The following ZMAT4 variants were observed in gnomAD, a reference collection of about 807,000 sequenced individuals.
ZMAT4 encodes zinc finger matrin-type protein 4.
Under a neutral mutation model 28.7 loss-of-function variants are expected in ZMAT4, and 17 were observed. The ratio of observed to expected loss-of-function variants is 0.59; its 90% CI spans 0.41 to 0.89. ZMAT4 has a LOEUF of 0.89. ZMAT4 is among the 40% of genes least tolerant of loss of function. The probability of loss-of-function intolerance (pLI) is 0.00; values close to 1 mark genes in which losing one functional copy is unlikely to be tolerated. For missense variants in ZMAT4, 240 were observed against 283.8 expected (o/e 0.85, Z 1.11); for synonymous variants, 117 against 109.2 (o/e 1.07, Z -0.44).
At chr8:40,825,446 G>T (rs1015125953) in intron 2 of ZMAT4, 129 bp downstream of exon 2, 1 of 737,668 alleles carries the variant, frequency 1.4e-6, no homozygotes, top group East Asian at 2.8e-5. Flanking sequence ...ACCTCAGACT[G>T]TACAGGCTCA....
intron 5 of ZMAT4, among the ~76,000 whole-genome samples, chr8:40,643,744 A>G (rs1003251949): frequency 4.6e-5 from 7 of 150,682 alleles, no homozygotes; most frequent in Non-Finnish European, 8.9e-5. Context: ...AATTGAGTAG[A>G]AATCTACAAA....
At chr8:40,770,431 C>T (rs1231219651) in intron 2 of ZMAT4, among the ~76,000 whole-genome samples, 1 of 152,130 alleles carries the variant, frequency 6.6e-6, no homozygotes, top group East Asian at 1.9e-4. Flanking sequence ...GCCCTGCCTC[C>T]AACCTAGGCC....
chr8:40,701,372 G>C (rs1810136227), intron 3 of ZMAT4, among the ~76,000 whole-genome samples: 1 of 152,206 alleles, frequency 6.6e-6, no homozygotes, highest in Non-Finnish European at 1.5e-5. Context: ...TGAAAAGTTA[G>C]GCAGCCTTTC....
intron 3 of ZMAT4, among the ~76,000 whole-genome samples, chr8:40,761,379 A>G (rs1454820303): frequency 6.6e-6 from 1 of 152,188 alleles, no homozygotes; most frequent in East Asian, 1.9e-4. Context: ...GGTCTCCCAC[A>G]GGCCTTCCTC....
rs2118659802 is a variant in ZMAT4, at chr8:40,612,243, G to A, written c.578-30982C>T. ...CATATCCTCTGTCTTCTTTCTCTTA[G>A]AACTGTGTGCATGCTAAATCATATC... On this transcript the variant is annotated intron_variant, in intron 5 of 6. Transcript: ENST00000297737. Among the ~76,000 whole-genome samples, 3 of 88,426 alleles carry A rather than the reference G, an allele frequency of 3.4e-5. 1 individual carries two copies. The highest frequency in any genetic ancestry group is 0.013 in the Middle Eastern group (2 of 150). 58.0% of individuals were successfully genotyped at this position (88,426 alleles called of 152,430 possible).
At chr8:40,668,234 G>C (rs1394628998) in intron 5 of ZMAT4, among the ~76,000 whole-genome samples, 1 of 152,102 alleles carries the variant, frequency 6.6e-6, no homozygotes, top group East Asian at 1.9e-4. Flanking sequence ...CACTTTGGAA[G>C]TTTGAGGCAG....
At chr8:40,881,499 G>GAAAGAAAGAAAGAAAGAA (rs1413051640) in intron 1 of ZMAT4, among the ~76,000 whole-genome samples, 1 of 129,526 alleles carries the variant, frequency 7.7e-6, no homozygotes, top group Non-Finnish European at 1.6e-5. Flanking sequence ...AAGAAAGAAA[G>GAAAGAAAGAAAGAAAGAA]AGGAAGGAAG....
At chr8:40,850,330 C>T (rs761922438) in intron 1 of ZMAT4, among the ~76,000 whole-genome samples, 3 of 152,152 alleles carry the variant, frequency 2.0e-5, no homozygotes, top group African/African-American at 4.8e-5. Flanking sequence ...TCCACACTAG[C>T]CTTCCCCTCA....
At chr8:40,597,458 TG>T (rs1341362371) in intron 5 of ZMAT4, among the ~76,000 whole-genome samples, 2 of 152,158 alleles carry the variant, frequency 1.3e-5, no homozygotes, top group Non-Finnish European at 2.9e-5. Flanking sequence ...TGGATCTGTG[TG>T]GGGGTCGCCC....
intron 2 of ZMAT4, among the ~76,000 whole-genome samples, chr8:40,794,547 C>T (rs758164174): frequency 6.6e-6 from 1 of 152,174 alleles, no homozygotes; most frequent in Non-Finnish European, 1.5e-5. Context: ...GTGTTGCCTC[C>T]CTGTCTTAGG....
At position 40,842,662 on chromosome 8, in the gene ZMAT4, T is replaced by G. The variant is rs150757421; in HGVS notation, c.-4-16982A>C. On this transcript the variant is annotated intron_variant, in intron 1 of 6. Coordinates refer to ENST00000297737, the MANE Select transcript of ZMAT4 (RefSeq NM_024645.3). ...AAGTCCATGAACAACTAGGCACTTC[T>G]CATCACTTAATTCCACTTTGAATTT... Among the ~76,000 whole-genome samples, 9 of 152,370 alleles carry G rather than the reference T, an allele frequency of 5.9e-5. No individual in the cohort carries two copies. In the East Asian group the frequency reaches 1.7e-3, roughly 29 times the overall value.
intron 6 of ZMAT4, among the ~76,000 whole-genome samples, chr8:40,546,595 C>T (rs1307410507): frequency 6.6e-6 from 1 of 152,170 alleles, no homozygotes; most frequent in African/African-American, 2.4e-5. Flanking sequence ...TGTTAATACT[C>T]AAGAAGAAAG....
chr8:40,637,541 G>A (rs1345072050), intron 5 of ZMAT4, among the ~76,000 whole-genome samples: 1 of 152,194 alleles, frequency 6.6e-6, no homozygotes, highest in African/African-American at 2.4e-5. Flanking sequence ...AGATTAAGGG[G>A]ATTCAATTAG....
At chr8:40,539,803 C>T (rs1369091918) in intron 6 of ZMAT4, among the ~76,000 whole-genome samples, 1 of 152,168 alleles carries the variant, frequency 6.6e-6, no homozygotes, top group African/African-American at 2.4e-5. Context: ...GGTCTAAGCC[C>T]TTGGGATTTC....
intron 1 of ZMAT4, 39 bp from the exon 2 acceptor site, chr8:40,825,719 G>A: frequency 1.4e-6 from 2 of 1,478,450 alleles, no homozygotes; most frequent in South Asian, 2.4e-5. Context: ...TGAGTCCACT[G>A]CTTTGATGTT....
intron 5 of ZMAT4, among the ~76,000 whole-genome samples, chr8:40,660,503 A>C (rs1808139672): frequency 6.6e-6 from 1 of 152,196 alleles, no homozygotes; most frequent in Admixed American, 6.5e-5. Context: ...CCGTTACATA[A>C]TAACCACCTA....
rs945503484 is a variant in ZMAT4 at position 40,679,587 on chromosome 8, C to T, written c.350-4656G>A. Among the ~76,000 whole-genome samples, 64 of 152,146 alleles carry T rather than the reference C, an allele frequency of 4.2e-4. 1 individual carries two copies. The highest frequency in any genetic ancestry group is 4.1e-3 in the Admixed American group (63 of 15,254). ...CCATCAGATCTTGTGAGAACTCACT[C>T]ACTATCACTAGAACAACAGTGTGGG... On this transcript the variant is annotated intron_variant, in intron 4 of 6. Transcript: ENST00000297737.
At chr8:40,842,477 T>C (rs1816738132) in intron 1 of ZMAT4, among the ~76,000 whole-genome samples, 1 of 152,218 alleles carries the variant, frequency 6.6e-6, no homozygotes, top group African/African-American at 2.4e-5. Flanking sequence ...AATTTGTGGC[T>C]CTGACAGAAT....
intron 3 of ZMAT4, among the ~76,000 whole-genome samples, chr8:40,746,268 C>T (rs1812218570): frequency 2.4e-5 from 2 of 84,720 alleles, no homozygotes; most frequent in Non-Finnish European, 2.1e-5. Context: ...TCCCTCCCTT[C>T]CTTCCTTTCT....
Sources: gnomAD v4.1 joint callset for allele counts (sites outside exome capture counted in the v4.1 genomes callset) on GRCh38, gnomAD v4.1.1 for gene constraint, MANE v1.5 for transcripts, NCBI Gene and HGNC (gene_info 2026-07-23, HGNC 2026-07-21) for gene names.